The following MAPK10 variants were observed in gnomAD, a reference collection of about 807,000 sequenced individuals.
The protein encoded by MAPK10 is JNK3 alpha protein kinase.
A neutral mutation model predicts 59.3 loss-of-function variants in MAPK10; 25 were observed. That is an observed-to-expected ratio of 0.42 (90% CI 0.31 to 0.59). The LOEUF is 0.59. MAPK10 is among the 20% of genes least tolerant of loss of function. MAPK10 has a pLI of 0.15. For synonymous variants in MAPK10, 190 were observed against 200.5 expected, an observed-to-expected ratio of 0.95 and a Z score of 0.44; for missense variants, 351 against 568.9, an observed-to-expected ratio of 0.62 and a Z score of 3.90.
intron 1 of MAPK10, among the ~76,000 whole-genome samples, chr4:86,537,735 G>A (rs980347921): frequency 1.2e-4 from 18 of 152,046 alleles, no homozygotes; most frequent in Non-Finnish European, 1.5e-5. Context: ...CTCCTTTCTA[G>A]GTTATATGTG....
chr4:86,062,080 G>C (rs953292264), intron 11 of MAPK10, among the ~76,000 whole-genome samples: 2 of 152,026 alleles, frequency 1.3e-5, no homozygotes, highest in Non-Finnish European at 2.9e-5. Flanking sequence ...TCTTAGTTGT[G>C]ACCACTGTAA....
intron 4 of MAPK10, among the ~76,000 whole-genome samples, chr4:86,158,545 A>G (rs2068547215): frequency 6.6e-6 from 1 of 151,768 alleles, no homozygotes; most frequent in Non-Finnish European, 1.5e-5. Context: ...TTCAGGGTAC[A>G]TGCCCTGAAT....
At chr4:86,455,976 A>G (rs1284105174), upstream of MAPK10, among the ~76,000 whole-genome samples, 1 of 152,218 alleles carries the variant, frequency 6.6e-6, no homozygotes, top group Non-Finnish European at 1.5e-5. Context: ...CCAGAGTGGA[A>G]TAAAACTGGA....
chr4:86,020,710 G>A (rs1746107348), intron 13 of MAPK10: 1 of 153,548 alleles, frequency 6.5e-6, no homozygotes. Context: ...TTCACGGTGA[G>A]TGTTACAGCT....
At chr4:86,227,816 GT>G in intron 2 of MAPK10, among the ~76,000 whole-genome samples, 1 of 152,236 alleles carries the variant, frequency 6.6e-6, no homozygotes, top group South Asian at 2.1e-4. Context: ...CTCACATTTT[GT>G]TTTAACCCTG....
At chr4:86,074,348 A>T (rs1379722115) in intron 9 of MAPK10, among the ~76,000 whole-genome samples, 122 of 150,024 alleles carry the variant, frequency 8.1e-4, no homozygotes, top group Non-Finnish European at 1.6e-3. Context: ...TCTTTATCCA[A>T]TTTGCCAGTC....
chr4:86,206,067 T>TAA (rs917974906), intron 2 of MAPK10, among the ~76,000 whole-genome samples: 1 of 152,054 alleles, frequency 6.6e-6, no homozygotes, highest in African/African-American at 2.4e-5. Flanking sequence ...TATTATACTT[T>TAA]AAGTTTTAGG....
At chr4:86,569,458 C>T (rs907831937) in intron 1 of MAPK10, among the ~76,000 whole-genome samples, 1 of 151,952 alleles carries the variant, frequency 6.6e-6, no homozygotes, top group Non-Finnish European at 1.5e-5. Context: ...GGTATCTACC[C>T]AAAGAAAATT....
At position 86,159,907 on chromosome 4, in the gene MAPK10, T is replaced by C. The variant is rs2069008384; in HGVS notation, c.67-440A>G. On this transcript the variant is annotated intron_variant, in intron 3 of 13. Coordinates refer to ENST00000641462, the MANE Select transcript of MAPK10 (RefSeq NM_138982.4). ...ATGAGAACAGATAAAAAATTGTATC[T>C]ACAACCTTTTCTCAGAAAGAACTAA... Among the ~76,000 whole-genome samples the C allele has an allele frequency of 2.0e-5, 3 of 152,116 alleles. No homozygotes were observed. The South Asian group carries it at 6.2e-4, about 32-fold the overall frequency.
intron 2 of MAPK10, among the ~76,000 whole-genome samples, chr4:86,273,909 T>G (rs955005758): frequency 1.3e-5 from 2 of 150,604 alleles, no homozygotes; most frequent in African/African-American, 5.0e-5. Flanking sequence ...GCTACTAGTT[T>G]CACTGATTTT....
chr4:86,031,383 T>C lies in MAPK10; in HGVS notation c.1159A>G (p.Ile387Val). The C allele has an allele frequency of 3.1e-6, 5 of 1,611,816 alleles. No homozygotes were observed. Among genetic ancestry groups the C allele is most frequent in the Non-Finnish European group, 3.4e-6 (4 of 1,178,172 alleles). ...DKQLDEREHT[I>V]EEWKELIYKE... ...GTAGACTTACCTTTCCATTCTTCAATTGTGTGTTCTCTTTCATCCAACTGC... is the reference window on the plus strand; with the variant it reads ...GTAGACTTACCTTTCCATTCTTCAACTGTGTGTTCTCTTTCATCCAACTGC... The change falls in exon 12 of 14, where the codon ATT becomes GTT. Residue 387 changes from isoleucine (I) to valine (V), a missense_variant. Ile to Val is a conservative substitution (Grantham distance 29, BLOSUM62 3). Around this residue, in one of 5 missense-constraint regions of MAPK10, gnomAD observed 155 missense variants for 204.2 expected, o/e 0.76. Transcript: ENST00000641462.
At chr4:86,308,524 G>A (rs1031739) in intron 2 of MAPK10, 51,966 of 152,050 alleles carry the variant, frequency 0.34, 9,039 homozygotes, top group Non-Finnish European at 0.38. Context: ...ATATCTCTAT[G>A]CCTCTATTTT....
chr4:86,124,744 A>C (rs1395429136), intron 4 of MAPK10: 1 of 152,058 alleles, frequency 6.6e-6, no homozygotes, highest in Non-Finnish European at 1.5e-5. Flanking sequence ...AACAGTCTTT[A>C]GATAAAGTTC....
chr4:86,033,414 G>C (rs1368010400), intron 11 of MAPK10, among the ~76,000 whole-genome samples: 1 of 152,170 alleles, frequency 6.6e-6, no homozygotes, highest in African/African-American at 2.4e-5. Flanking sequence ...AATAGATCCA[G>C]CTCATGATCC....
chr4:86,297,537 T>C (rs1314230233), intron 2 of MAPK10, among the ~76,000 whole-genome samples: 1 of 152,164 alleles, frequency 6.6e-6, no homozygotes, highest in Non-Finnish European at 1.5e-5. Flanking sequence ...GGTCTCGAAC[T>C]CCTGACCTCG....
At chr4:86,031,327 C>A in intron 12 of MAPK10, 41 bp downstream of exon 12, 3 of 1,385,530 alleles carry the variant, frequency 2.2e-6, no homozygotes, top group South Asian at 2.4e-5. Flanking sequence ...TTTCTGAGTT[C>A]AATAAAATAA....
intron 3 of MAPK10, among the ~76,000 whole-genome samples, chr4:86,168,446 G>A (rs1453122527): frequency 3.3e-5 from 5 of 152,214 alleles, no homozygotes; most frequent in African/African-American, 1.2e-4. Flanking sequence ...CACGCACGGA[G>A]TCTCGCTGAT....
chr4:86,521,901 T>C (rs1302053109), intron 1 of MAPK10, among the ~76,000 whole-genome samples: 1 of 152,208 alleles, frequency 6.6e-6, no homozygotes, highest in Non-Finnish European at 1.5e-5. Context: ...GCTGGGAGCT[T>C]CCTTCACCCT....
chr4:86,281,463 C>T (rs1212363514), intron 2 of MAPK10, among the ~76,000 whole-genome samples: 2 of 151,766 alleles, frequency 1.3e-5, no homozygotes, highest in East Asian at 1.9e-4. Context: ...ATCACGTTCA[C>T]TGCACTCTAG....
Sources: allele counts gnomAD v4.1 joint callset (sites outside exome capture counted in the v4.1 genomes callset), GRCh38; gene constraint gnomAD v4.1.1; regional missense constraint gnomAD v4.1.1; transcripts MANE v1.5; gene names NCBI Gene and HGNC (gene_info 2026-07-23, HGNC 2026-07-21).